The following MANSC1 variants were observed in gnomAD, a reference collection of about 807,000 sequenced individuals.
MANSC1 encodes the protein MANSC domain-containing protein 1.
MANSC1 carries 13 observed loss-of-function variants against 14.1 expected under a neutral mutation model. The ratio of observed to expected loss-of-function variants is 0.92; its 90% CI spans 0.60 to 1.46. The LOEUF (loss-of-function observed/expected upper bound fraction) is 1.46, where lower values mean the gene tolerates loss of function less well. Ranked by LOEUF, MANSC1 falls within the 40% of genes most tolerant of loss-of-function variation. MANSC1 has a pLI of 0.00. For synonymous variants in MANSC1, 227 were observed against 200.7 expected (o/e 1.13, Z -1.11); for missense variants, 486 against 511.4 (o/e 0.95, Z 0.48).
intron 3 of MANSC1, among the ~76,000 whole-genome samples, chr12:12,334,610 AT>A (rs1184396028): frequency 6.6e-6 from 1 of 152,150 alleles, no homozygotes; most frequent in African/African-American, 2.4e-5. Context: ...TTTAATTCTA[AT>A]TTCACTTCAT....
At position 12,329,437 on chromosome 12, in the gene MANSC1, T is replaced by C. The variant is rs2135986299; in HGVS notation, c.*590A>G. 2 of 152,398 alleles carry C rather than the reference T, an allele frequency of 1.3e-5. No homozygotes were observed. The highest frequency in any genetic ancestry group is 4.1e-4 in the South Asian group (2 of 4,830). 9.4% of individuals were successfully genotyped at this position (152,398 alleles called of 1,614,324 possible). A position where few individuals can be genotyped will look rare whatever the true frequency, so the allele number is the denominator to read the frequency against. ...TGGAACCTAGATGTCCTAACCTGTT[T>C]CTTTGCATAAAAGCCAGTTGAATTT... On this transcript the variant is annotated 3_prime_UTR_variant, in exon 4 of 4. Coordinates refer to ENST00000535902, the MANE Select transcript of MANSC1 (RefSeq NM_018050.4).
intron 1 of MANSC1, among the ~76,000 whole-genome samples, chr12:12,345,170 A>G (rs2135998066): frequency 6.7e-6 from 1 of 149,500 alleles, no homozygotes; most frequent in South Asian, 2.1e-4. Flanking sequence ...AAATACAAAA[A>G]TTAGTTGGGT....
rs560584061 is a variant in MANSC1 at position 12,341,948 on chromosome 12, C to T, written c.223+1144G>A. ...CAGAGAATGCAGTGAGCCAAGATTG[C>T]GCCACTGCGCTCCGTCCGGCCTGGG... On this transcript the variant is annotated intron_variant, in intron 2 of 3. Transcript: ENST00000535902. 6.8e-4 allele frequency among the ~76,000 whole-genome samples: 102 copies of T among 150,846 alleles called. 1 individual carries two copies. The highest frequency in any genetic ancestry group is 2.2e-3 in the African/African-American group (92 of 41,126).
At chr12:12,334,546 C>A (rs979971167) in intron 3 of MANSC1, among the ~76,000 whole-genome samples, 1 of 152,100 alleles carries the variant, frequency 6.6e-6, no homozygotes, top group Non-Finnish European at 1.5e-5. Flanking sequence ...CCCTAGGTGT[C>A]CATCAACCTG....
At chr12:12,348,927 A>C (rs982391972) in intron 1 of MANSC1, among the ~76,000 whole-genome samples, 3 of 152,242 alleles carry the variant, frequency 2.0e-5, no homozygotes, top group African/African-American at 7.2e-5. Context: ...GTTAAAACTT[A>C]CAAAAAGTTG....
At chr12:12,342,005 A>T (rs532023516) in intron 2 of MANSC1, among the ~76,000 whole-genome samples, 1 of 152,314 alleles carries the variant, frequency 6.6e-6, no homozygotes, top group Non-Finnish European at 1.5e-5. Flanking sequence ...CAGACAAACA[A>T]ACAAAAAAGT....
At chr12:12,347,656 C>T in intron 1 of MANSC1, among the ~76,000 whole-genome samples, 1 of 152,226 alleles carries the variant, frequency 6.6e-6, no homozygotes, top group Non-Finnish European at 1.5e-5. Context: ...AGGTATCTAA[C>T]ATCATATGTC....
At chr12:12,333,332 C>G (rs1862817712) in intron 3 of MANSC1, among the ~76,000 whole-genome samples, 1 of 152,070 alleles carries the variant, frequency 6.6e-6, no homozygotes, top group South Asian at 2.1e-4. Context: ...CAGGTGTGAG[C>G]CATCATACTT....
At position 12,328,423 on chromosome 12, in the gene MANSC1, A is replaced by T. The variant is rs896584234; in HGVS notation, c.*1604T>A. The T allele has an allele frequency of 1.3e-5, 2 of 151,586 alleles. No homozygotes were observed. The highest frequency in any genetic ancestry group is 2.9e-5 in the Non-Finnish European group (2 of 67,918). 9.4% of individuals were successfully genotyped at this position (151,586 alleles called of 1,614,324 possible). A position where few individuals can be genotyped will look rare whatever the true frequency, so the allele number is the denominator to read the frequency against. The stretch of plus-strand genomic sequence containing the variant: ...AGGCGCCCGCCACCACGCCCGGCTA[A>T]TTTTTTGTATTTTTAGTAGAGGCGG... On this transcript the variant is annotated 3_prime_UTR_variant, in exon 4 of 4. Coordinates refer to ENST00000535902, the MANE Select transcript of MANSC1 (RefSeq NM_018050.4).
chr12:12,339,835 C>T (rs1862911425), intron 2 of MANSC1, among the ~76,000 whole-genome samples: 1 of 151,254 alleles, frequency 6.6e-6, no homozygotes, highest in African/African-American at 2.4e-5. Context: ...TTTTTTGAGT[C>T]AGGGTCTTGC....
At chr12:12,343,850 G>T (rs1862970061) in intron 1 of MANSC1, among the ~76,000 whole-genome samples, 1 of 152,116 alleles carries the variant, frequency 6.6e-6, no homozygotes, top group South Asian at 2.1e-4. Flanking sequence ...GGTAGCTCAT[G>T]CCTGTAATCT....
At chr12:12,338,096 A>T (rs951378479) in intron 3 of MANSC1, among the ~76,000 whole-genome samples, 1 of 152,218 alleles carries the variant, frequency 6.6e-6, no homozygotes, top group Non-Finnish European at 1.5e-5. Context: ...TCACCCTTTC[A>T]AAACAATCAC....
At chr12:12,336,593 C>G (rs2080520) in intron 3 of MANSC1, among the ~76,000 whole-genome samples, 73,070 of 151,834 alleles carry the variant, frequency 0.48, 18,414 homozygotes, top group South Asian at 0.7. Context: ...GTGGCATGAA[C>G]ACAGCTCACT....
chr12:12,335,975 G>A (rs191115395), intron 3 of MANSC1, among the ~76,000 whole-genome samples: 1 of 152,240 alleles, frequency 6.6e-6, no homozygotes, highest in East Asian at 1.9e-4. Context: ...CCGACATCAG[G>A]AGTTCGAGAC....
intron 2 of MANSC1, among the ~76,000 whole-genome samples, chr12:12,340,056 T>G (rs1456233139): frequency 6.6e-6 from 1 of 152,006 alleles, no homozygotes; most frequent in African/African-American, 2.4e-5. Context: ...AAGCAATCCA[T>G]CCCCCTCAAC....
At chr12:12,349,563 G>A (rs1039339672) in intron 1 of MANSC1, among the ~76,000 whole-genome samples, 1 of 152,174 alleles carries the variant, frequency 6.6e-6, no homozygotes, top group Non-Finnish European at 1.5e-5. Context: ...ACAGGCGGGT[G>A]AGAGAGGATG....
intron 3 of MANSC1, among the ~76,000 whole-genome samples, chr12:12,334,730 C>A (rs1862836064): frequency 6.6e-6 from 1 of 152,182 alleles, no homozygotes; most frequent in Admixed American, 6.5e-5. Context: ...ATGTGCATTA[C>A]AAAAGTAACA....
chr12:12,347,934 G>T (rs938565055), intron 1 of MANSC1, among the ~76,000 whole-genome samples: 2 of 152,074 alleles, frequency 1.3e-5, no homozygotes, highest in Non-Finnish European at 2.9e-5. Context: ...ATGGTGGCAG[G>T]TGCCTGTAAT....
chr12:12,348,178 C>G (rs972604941), intron 1 of MANSC1: 1 of 152,132 alleles, frequency 6.6e-6, no homozygotes, highest in Non-Finnish European at 1.5e-5. Flanking sequence ...TGCAGCCTTA[C>G]CATACAATTC....
Sources: allele counts gnomAD v4.1 joint callset (sites outside exome capture counted in the v4.1 genomes callset), GRCh38; gene constraint gnomAD v4.1.1; transcripts MANE v1.5; gene names NCBI Gene and HGNC (gene_info 2026-07-23, HGNC 2026-07-21).